The following ELAPOR2 variants were observed in gnomAD, a reference collection of about 807,000 sequenced individuals.
ELAPOR2 encodes endosome/lysosome-associated apoptosis and autophagy regulator family member 2.
Under a neutral mutation model 120.7 loss-of-function variants are expected in ELAPOR2, and 89 were observed. The observed-to-expected ratio is 0.74, with a 90% confidence interval of 0.62 to 0.88. The LOEUF is 0.88. Among genes scored for constraint, ELAPOR2 ranks in the 40% least tolerant of loss-of-function variants. The pLI is 0.00. For missense variants in ELAPOR2, 1,134 were observed against 1,251.6 expected (o/e 0.91, Z 1.42); for synonymous variants, 444 against 444.9 (o/e 1.00, Z 0.03).
chr7:86,921,720 CCT>C (rs1789839644), intron 10 of ELAPOR2, among the ~76,000 whole-genome samples: 1 of 152,098 alleles, frequency 6.6e-6, no homozygotes, highest in Non-Finnish European at 1.5e-5. Flanking sequence ...CTCTGAACCC[CCT>C]GACTCAGAAC....
intron 1 of ELAPOR2, among the ~76,000 whole-genome samples, chr7:87,043,563 C>G (rs566313190): frequency 0.028 from 4,179 of 146,764 alleles, 84 homozygotes; most frequent in Non-Finnish European, 0.041. Flanking sequence ...ATTCAACAAC[C>G]CTTCATGCTA....
chr7:86,981,265 T>G (rs985795320), intron 1 of ELAPOR2, among the ~76,000 whole-genome samples: 2 of 152,238 alleles, frequency 1.3e-5, no homozygotes, highest in African/African-American at 4.8e-5. Context: ...TGTTTCCTGC[T>G]GGGACTCTGT....
chr7:86,940,521 T>C (rs1790757622), intron 5 of ELAPOR2, among the ~76,000 whole-genome samples: 1 of 152,042 alleles, frequency 6.6e-6, no homozygotes, highest in Non-Finnish European at 1.5e-5. Flanking sequence ...GGCAACAGAA[T>C]GAGTTTGTTT....
rs1790641547 is a variant in ELAPOR2, at chr7:86,938,120, T to TG, written c.1089+5dup. On this transcript the variant is annotated splice_donor_region_variant and intron_variant, in intron 8 of 21. Transcript: ENST00000450689. Reference sequence around the variant, plus strand: ...TGGGATGGAGTTGATGCAACACTGCTGGTACCTTTCCTTCTTCATCACATG... The same window carrying TG: ...TGGGATGGAGTTGATGCAACACTGCTGGGTACCTTTCCTTCTTCATCACATG... 6.5e-7 allele frequency: 1 copy of TG among 1,547,616 alleles called. No homozygotes were observed. The highest frequency in any genetic ancestry group is 1.2e-5 in the South Asian group (1 of 83,956).
At chr7:86,977,009 A>C (rs759094450) in intron 1 of ELAPOR2, among the ~76,000 whole-genome samples, 37 of 152,222 alleles carry the variant, frequency 2.4e-4, no homozygotes, top group Non-Finnish European at 3.5e-4. Context: ...CTGTCACTGC[A>C]ACTATGGGTG....
rs918943466 is a variant in ELAPOR2, at chr7:87,039,207, A to C, written c.189+20118T>G. ...AGACTCATACAACCTACCGAGACTAAACCAGGAAGAAGTCCAAAACCTGAA... is the reference window on the plus strand; with the variant it reads ...AGACTCATACAACCTACCGAGACTACACCAGGAAGAAGTCCAAAACCTGAA... On this transcript the variant is annotated intron_variant, in intron 1 of 21. Transcript: ENST00000450689. Among the ~76,000 whole-genome samples the C allele has an allele frequency of 2.0e-5, 3 of 152,176 alleles. No individual in the cohort carries two copies. In the South Asian group the frequency reaches 6.2e-4, roughly 32 times the overall value.
At chr7:87,054,680 C>T (rs966824442) in intron 1 of ELAPOR2, among the ~76,000 whole-genome samples, 4 of 152,154 alleles carry the variant, frequency 2.6e-5, no homozygotes. Flanking sequence ...ATTTTGAAGA[C>T]CCAGTAGCTT....
At chr7:86,921,567 C>A (rs1316649862) in intron 10 of ELAPOR2, among the ~76,000 whole-genome samples, 2 of 152,092 alleles carry the variant, frequency 1.3e-5, no homozygotes, top group South Asian at 4.1e-4. Flanking sequence ...GACTTCTGGC[C>A]TCTAGAACTC....
Position 86,914,624 on chromosome 7 carries a change from G to T in ELAPOR2, c.1731+99C>A, listed in dbSNP as rs1335111667. On this transcript the variant is annotated intron_variant, in intron 13 of 21. Coordinates refer to ENST00000450689, the MANE Select transcript of ELAPOR2 (RefSeq NM_001142749.3). ...TTCATTCCATATTTTTTAAAAAGCA[G>T]TCCTTTCTTCCAAATTTGAGTTATC... is the stretch of plus-strand genomic sequence containing the variant. The T allele has an allele frequency of 3.1e-6, 3 of 959,248 alleles. No homozygotes were observed. The East Asian group carries it at 7.9e-5, about 25-fold the overall frequency. The allele number at this position is 959,248 out of a possible 1,614,324, so 59.4% of individuals were successfully genotyped here.
intron 1 of ELAPOR2, among the ~76,000 whole-genome samples, chr7:87,024,036 G>T (rs188033876): frequency 6.6e-4 from 101 of 151,980 alleles, no homozygotes; most frequent in African/African-American, 2.0e-3. Context: ...CTTCCTCTTT[G>T]CCTAATTGAA....
At chr7:86,947,186 T>C (rs190677018) in intron 3 of ELAPOR2, among the ~76,000 whole-genome samples, 102 of 152,290 alleles carry the variant, frequency 6.7e-4, no homozygotes, top group Middle Eastern at 3.4e-3. Context: ...CAGGAAGGGA[T>C]ATAGCTCAAA....
intron 1 of ELAPOR2, among the ~76,000 whole-genome samples, chr7:87,055,134 C>T (rs1423598724): frequency 3.3e-5 from 5 of 152,144 alleles, no homozygotes; most frequent in Admixed American, 2.6e-4. Flanking sequence ...CACACCATGC[C>T]CCTGAGGAAC....
intron 2 of ELAPOR2, among the ~76,000 whole-genome samples, chr7:86,959,029 A>AGTCT (rs1791595074): frequency 2.0e-5 from 2 of 102,192 alleles, no homozygotes; most frequent in East Asian, 4.0e-4. Flanking sequence ...TCAGTGTACA[A>AGTCT]GTCTGTCACC....
chr7:86,942,236 G>A (rs541205590), intron 4 of ELAPOR2, 132 bp from the exon 5 acceptor site: 70 of 534,762 alleles, frequency 1.3e-4, no homozygotes, highest in African/African-American at 1.3e-3. Flanking sequence ...TTCTCAATAA[G>A]TAAACATACC....
At chr7:87,031,064 C>T (rs946700862) in intron 1 of ELAPOR2, among the ~76,000 whole-genome samples, 7 of 152,108 alleles carry the variant, frequency 4.6e-5, no homozygotes, top group East Asian at 1.9e-4. Context: ...GGAAACCACC[C>T]CCATGATTCA....
intron 18 of ELAPOR2, among the ~76,000 whole-genome samples, chr7:86,898,559 C>CAAAAAAAAA (rs11418158): frequency 6.0e-5 from 4 of 66,592 alleles, no homozygotes; most frequent in African/African-American, 1.0e-4. Context: ...ACACAATGAC[C>CAAAAAAAAA]AAAAAAAAAA....
intron 2 of ELAPOR2, among the ~76,000 whole-genome samples, chr7:86,951,447 C>T (rs566948223): frequency 4.1e-4 from 63 of 152,266 alleles, no homozygotes; most frequent in Non-Finnish European, 7.5e-4. Context: ...TACAATGATG[C>T]CATTTTGGAA....
intron 1 of ELAPOR2, among the ~76,000 whole-genome samples, chr7:87,058,588 T>A (rs1795333692): frequency 6.6e-6 from 1 of 152,200 alleles, no homozygotes; most frequent in Admixed American, 6.5e-5. Flanking sequence ...TCCCATAGTT[T>A]ATCCTTTTTG....
At chr7:87,028,545 C>T (rs1017773860) in intron 1 of ELAPOR2, among the ~76,000 whole-genome samples, 1 of 151,998 alleles carries the variant, frequency 6.6e-6, no homozygotes, top group African/African-American at 2.4e-5. Context: ...ATTTTATGTA[C>T]AAAATATATA....
Sources: allele counts gnomAD v4.1 joint callset (sites outside exome capture counted in the v4.1 genomes callset), GRCh38; gene constraint gnomAD v4.1.1; transcripts MANE v1.5; gene names NCBI Gene and HGNC (gene_info 2026-07-23, HGNC 2026-07-21).